Variants in RNF150 observed in about 807,000 individuals in gnomAD.
RNF150 encodes the protein ring finger protein 150.
Under a neutral mutation model 39.3 loss-of-function variants are expected in RNF150, and 24 were observed. The observed-to-expected ratio is 0.61, with a 90% CI of 0.44 to 0.86. RNF150 has a LOEUF of 0.86. RNF150 is among the 40% of genes least tolerant of loss of function. RNF150 has a pLI of 0.00. For synonymous variants in RNF150, 255 were observed against 227.3 expected (o/e 1.12, Z -1.10); for missense variants, 502 against 587.8 (o/e 0.85, Z 1.51).
At position 140,861,553 on chromosome 4, in the gene RNF150, T is replaced by A. The variant is rs1286347887; in HGVS notation, c.*6708A>T. ...TTGCGATTACTCCAGCAGAGGGCAC[T>A]CTGCTCCTTGCAATAACATCCTACT... On this transcript the variant is annotated 3_prime_UTR_variant, in exon 7 of 7. Transcript: ENST00000515673. The A allele has an allele frequency of 6.6e-6, 1 of 152,238 alleles. No homozygotes were observed. Among genetic ancestry groups the A allele is most frequent in the Non-Finnish European group, 1.5e-5 (1 of 68,050 alleles). The allele number at this position is 152,238 out of a possible 1,614,324, so 9.4% of individuals were successfully genotyped here.
chr4:141,052,533 G>A (rs1578673480), intron 1 of RNF150, among the ~76,000 whole-genome samples: 1 of 152,014 alleles, frequency 6.6e-6, no homozygotes, highest in Non-Finnish European at 1.5e-5. Flanking sequence ...GCGCCACCAT[G>A]CCCAGCTAAT....
chr4:141,156,964 T>C (rs1727416101), intron 1 of RNF150, among the ~76,000 whole-genome samples: 1 of 152,124 alleles, frequency 6.6e-6, no homozygotes, highest in Admixed American at 6.5e-5. Flanking sequence ...TCCAGGCATT[T>C]CCAAGCCTAG....
At chr4:140,950,641 C>T (rs781000119) in intron 2 of RNF150, among the ~76,000 whole-genome samples, 1 of 152,192 alleles carries the variant, frequency 6.6e-6, no homozygotes, top group Non-Finnish European at 1.5e-5. Flanking sequence ...AACACCTGGC[C>T]AGCCAGTCAG....
intron 1 of RNF150, among the ~76,000 whole-genome samples, chr4:141,112,769 C>T (rs921799974): frequency 5.3e-5 from 8 of 152,072 alleles, no homozygotes; most frequent in African/African-American, 1.4e-4. Context: ...GAATGTTGGC[C>T]TGTCTTGCTA....
chr4:141,048,880 G>A (rs544495604), intron 1 of RNF150, among the ~76,000 whole-genome samples: 32 of 152,304 alleles, frequency 2.1e-4, no homozygotes, highest in African/African-American at 7.7e-4. Context: ...GGTATACCAA[G>A]ATGATTGAAG....
intron 4 of RNF150, among the ~76,000 whole-genome samples, chr4:140,939,490 TTATC>T (rs1235738554): frequency 6.6e-6 from 1 of 152,080 alleles, no homozygotes. Flanking sequence ...ATAGAATCAG[TTATC>T]TATTTAGAAT....
intron 1 of RNF150, among the ~76,000 whole-genome samples, chr4:140,977,595 T>TTATATAA (rs1733711178): frequency 6.6e-6 from 1 of 152,146 alleles, no homozygotes; most frequent in South Asian, 2.1e-4. Flanking sequence ...GCACTTTACG[T>TTATATAA]CCATATTATA....
At chr4:140,944,417 G>T (rs1732206182) in intron 4 of RNF150, 1 of 152,142 alleles carries the variant, frequency 6.6e-6, no homozygotes. Context: ...ACACATCCAG[G>T]CTCACTCTGG....
chr4:141,185,868 C>T (rs1727998980), intron 1 of RNF150, among the ~76,000 whole-genome samples: 1 of 152,116 alleles, frequency 6.6e-6, no homozygotes, highest in Admixed American at 6.5e-5. Context: ...GCTTTGCATC[C>T]CATGGATGAA....
In RNF150 at chr4:141,207,709, T is replaced by G. The variant is rs186636723; in HGVS notation, c.-6+5085A>C. Among the ~76,000 whole-genome samples, 600 of 152,286 alleles carry G rather than the reference T, an allele frequency of 3.9e-3. 8 individuals carry two copies. Among genetic ancestry groups the G allele is most frequent in the Non-Finnish European group, 4.9e-3 (335 of 68,014 alleles). On this transcript the variant is annotated intron_variant, in intron 1 of 7. Transcript: ENST00000420921. ...CCAGACTTCCAACCTACGGAAGCTG[T>G]GAGATAAAACATTTTGGGTTGTTTT...
At chr4:141,209,120 G>A (rs1387381180) in intron 1 of RNF150, among the ~76,000 whole-genome samples, 2 of 151,900 alleles carry the variant, frequency 1.3e-5, no homozygotes, top group Non-Finnish European at 2.9e-5. Context: ...CAACTAAAGG[G>A]CCTTGCATTC....
At chr4:141,145,645 T>C (rs1254308378) in intron 1 of RNF150, among the ~76,000 whole-genome samples, 2 of 152,190 alleles carry the variant, frequency 1.3e-5, no homozygotes, top group Admixed American at 1.3e-4. Context: ...CATGGCTACA[T>C]TAAACTGAAA....
chr4:141,120,486 G>A (rs528139154), intron 1 of RNF150, among the ~76,000 whole-genome samples: 2 of 152,246 alleles, frequency 1.3e-5, no homozygotes, highest in Admixed American at 1.3e-4. Flanking sequence ...TATTTCTCTT[G>A]GAGTACAAGT....
At chr4:140,933,829 C>G (rs781428565) in intron 4 of RNF150, among the ~76,000 whole-genome samples, 35 of 152,076 alleles carry the variant, frequency 2.3e-4, no homozygotes, top group Non-Finnish European at 4.3e-4. Context: ...TGGGGATGAT[C>G]TAGTCATCAC....
intron 6 of RNF150, among the ~76,000 whole-genome samples, chr4:140,874,245 T>C (rs1410241581): frequency 6.6e-6 from 1 of 152,202 alleles, no homozygotes; most frequent in Non-Finnish European, 1.5e-5. Context: ...GGTTTTGATA[T>C]GATTGTCGAT....
intron 1 of RNF150, among the ~76,000 whole-genome samples, chr4:141,020,354 C>T (rs931315887): frequency 6.6e-6 from 1 of 152,086 alleles, no homozygotes; most frequent in South Asian, 2.1e-4. Flanking sequence ...GCTAAGGCAA[C>T]TCCACATTCT....
At chr4:141,007,294 T>C (rs192084015) in intron 1 of RNF150, among the ~76,000 whole-genome samples, 1 of 152,188 alleles carries the variant, frequency 6.6e-6, no homozygotes, top group Non-Finnish European at 1.5e-5. Context: ...GTAAGGAATC[T>C]CTGAAAATAC....
chr4:140,929,550 T>A (rs775621080), intron 4 of RNF150, among the ~76,000 whole-genome samples: 5 of 151,914 alleles, frequency 3.3e-5, no homozygotes, highest in Non-Finnish European at 7.4e-5. Flanking sequence ...GTATTTTTAG[T>A]AGAGACGGGG....
At chr4:140,918,553 A>C (rs2111296742) in intron 5 of RNF150, among the ~76,000 whole-genome samples, 1 of 152,220 alleles carries the variant, frequency 6.6e-6, no homozygotes, top group Non-Finnish European at 1.5e-5. Context: ...ATAGCTTACC[A>C]ACCAAAAAGA....
Sources: allele counts gnomAD v4.1 joint callset (sites outside exome capture counted in the v4.1 genomes callset), GRCh38; gene constraint gnomAD v4.1.1; transcripts MANE v1.5; gene names NCBI Gene and HGNC (gene_info 2026-07-23, HGNC 2026-07-21).